Variants in CCDC148 observed in about 807,000 individuals in gnomAD.
CCDC148 encodes the protein coiled-coil domain containing 148, also known as coiled-coil domain-containing protein 148.
A neutral mutation model predicts 85.7 loss-of-function variants in CCDC148; 89 were observed. That is an observed-to-expected ratio of 1.04 (90% confidence interval 0.87 to 1.24). CCDC148 has a LOEUF of 1.24. CCDC148 is among the 50% of genes most tolerant of loss of function. The pLI, the probability that CCDC148 is intolerant of heterozygous loss-of-function variation, is 0.00. For missense variants in CCDC148, 692 were observed against 671.7 expected, an observed-to-expected ratio of 1.03 and a Z score of -0.33; for synonymous variants, 230 against 213.9, an observed-to-expected ratio of 1.08 and a Z score of -0.66.
chr2:158,231,653 A>T (rs1424487594), intron 10 of CCDC148, among the ~76,000 whole-genome samples: 1 of 152,138 alleles, frequency 6.6e-6, no homozygotes, highest in African/African-American at 2.4e-5. Context: ...TGTATTCTTA[A>T]CACAGCATTT....
At chr2:158,442,498 G>A (rs67903213) in intron 1 of CCDC148, among the ~76,000 whole-genome samples, 13,968 of 152,176 alleles carry the variant, frequency 0.092, 696 homozygotes, top group African/African-American at 0.12. Context: ...GTTGCCATAG[G>A]TAGCCATTCT....
chr2:158,249,726 A>G (rs1688710548), intron 10 of CCDC148, among the ~76,000 whole-genome samples: 1 of 152,158 alleles, frequency 6.6e-6, no homozygotes. Flanking sequence ...GCTTTAAAAT[A>G]CATAGTTCCT....
chr2:158,202,071 G>T (rs1685993300), intron 11 of CCDC148, among the ~76,000 whole-genome samples: 2 of 152,112 alleles, frequency 1.3e-5, no homozygotes, highest in African/African-American at 4.8e-5. Context: ...AAACTGGGTA[G>T]AAATTATTTG....
chr2:158,218,763 T>A (rs1687018712), intron 11 of CCDC148, among the ~76,000 whole-genome samples: 1 of 152,224 alleles, frequency 6.6e-6, no homozygotes, highest in East Asian at 1.9e-4. Flanking sequence ...ATGGCCTGTA[T>A]CCACTTAGGT....
intron 2 of CCDC148, among the ~76,000 whole-genome samples, chr2:158,357,453 T>C (rs1683720078): frequency 6.6e-6 from 1 of 152,140 alleles, no homozygotes; most frequent in African/African-American, 2.4e-5. Context: ...ATGTTTATCA[T>C]GAGAAAAATA....
At position 158,229,057 on chromosome 2, in the gene CCDC148, T is replaced by A. The variant is rs552997427; in HGVS notation, c.1252-8344A>T. Among the ~76,000 whole-genome samples the A allele has an allele frequency of 2.0e-5, 3 of 151,984 alleles. No homozygotes were observed. The South Asian group carries it at 6.2e-4, about 32-fold the overall frequency. On this transcript the variant is annotated intron_variant, in intron 10 of 13. Transcript: ENST00000283233. ...TACAGGCAACTTCAGCCTGTCTGAA[T>A]GCCCTTCCAACCTTCCTAATCAACT...
At chr2:158,182,509 A>G (rs1419016377) in intron 11 of CCDC148, among the ~76,000 whole-genome samples, 1 of 152,120 alleles carries the variant, frequency 6.6e-6, no homozygotes. Flanking sequence ...GAGGTGAGGT[A>G]AGGCAGTAAG....
intron 9 of CCDC148, among the ~76,000 whole-genome samples, chr2:158,279,254 C>A (rs1315419426): frequency 6.6e-6 from 1 of 152,116 alleles, no homozygotes; most frequent in Admixed American, 6.5e-5. Context: ...AGTTCCTCAC[C>A]AACAATGGAA....
At chr2:158,234,153 G>A (rs1385270486) in intron 10 of CCDC148, among the ~76,000 whole-genome samples, 1 of 151,812 alleles carries the variant, frequency 6.6e-6, no homozygotes, top group Non-Finnish European at 1.5e-5. Context: ...TACAGCCTGG[G>A]CAACAGAGCG....
chr2:158,333,005 T>G (rs549611327), intron 7 of CCDC148, among the ~76,000 whole-genome samples: 8 of 152,320 alleles, frequency 5.3e-5, no homozygotes, highest in Admixed American at 1.3e-4. Flanking sequence ...TTGATTTTTT[T>G]GAAGGGTTTT....
At chr2:158,381,651 CAT>C in intron 1 of CCDC148, among the ~76,000 whole-genome samples, 1 of 152,084 alleles carries the variant, frequency 6.6e-6, no homozygotes, top group African/African-American at 2.4e-5. Flanking sequence ...TAAGAATGGT[CAT>C]AGCAGCGCTA....
At position 158,172,197 on chromosome 2, in the gene CCDC148, T is replaced by C. The variant is rs371974128; in HGVS notation, c.1692A>G (p.Thr564=). Residue 564 remains threonine (T), a synonymous_variant, in exon 14 of 14, where the codon ACA becomes ACG. Transcript: ENST00000283233. ...LALREAGLHR[T]LYAKEILPKI... is the part of the protein sequence containing the mutation. ...TTGGTAATATCTCTTTAGCATAAAG[T>C]GTTCTATGAAGTCCAGCTTCTCGAA... 2.5e-6 allele frequency: 4 copies of C among 1,609,896 alleles called. No individual in the cohort carries two copies. Among genetic ancestry groups the C allele is most frequent in the Non-Finnish European group, 3.4e-6 (4 of 1,177,668 alleles).
intron 1 of CCDC148, among the ~76,000 whole-genome samples, chr2:158,406,624 T>TTTTTTTTTTGTTTTTTG (rs1686024803): frequency 5.6e-4 from 14 of 24,832 alleles, no homozygotes; most frequent in Non-Finnish European, 1.0e-3. Context: ...TTTTTTTTTT[T>TTTTTTTTTTGTTTTTTG]TTTTTTTTTT....
At chr2:158,353,862 A>G (rs1351803364) in intron 2 of CCDC148, among the ~76,000 whole-genome samples, 1 of 152,196 alleles carries the variant, frequency 6.6e-6, no homozygotes, top group Non-Finnish European at 1.5e-5. Context: ...AAGAACAGAA[A>G]TTATAACAAA....
At chr2:158,246,942 C>A (rs1301676093) in intron 10 of CCDC148, among the ~76,000 whole-genome samples, 3 of 152,134 alleles carry the variant, frequency 2.0e-5, no homozygotes, top group Non-Finnish European at 1.5e-5. Context: ...TAAGAGCCAC[C>A]TGTAGAGATG....
At chr2:158,218,805 T>G (rs966836331) in intron 11 of CCDC148, among the ~76,000 whole-genome samples, 1 of 152,232 alleles carries the variant, frequency 6.6e-6, no homozygotes, top group South Asian at 2.1e-4. Context: ...TGGGTTCTCA[T>G]TGGTGGCTTC....
chr2:158,435,473 G>A (rs1687601021), intron 1 of CCDC148, among the ~76,000 whole-genome samples: 1 of 152,130 alleles, frequency 6.6e-6, no homozygotes, highest in African/African-American at 2.4e-5. Flanking sequence ...AGCTCCTGAA[G>A]GAAGCAATAA....
At chr2:158,355,290 T>C (rs907625832) in intron 2 of CCDC148, among the ~76,000 whole-genome samples, 4 of 152,040 alleles carry the variant, frequency 2.6e-5, no homozygotes, top group Non-Finnish European at 4.4e-5. Context: ...AGTCAAATTG[T>C]CCCTGTTTGC....
Position 158,240,452 on chromosome 2 carries a change from T to TCACACACACA in CCDC148, c.1251+10310_1251+10319dup, listed in dbSNP as rs4028276. ...CTCTCTCTTTCTCTCTCTCTCTCTC[T>TCACACACACA]CACACACACACACACACACACACAC... On this transcript the variant is annotated intron_variant, in intron 10 of 13. Transcript: ENST00000283233. Among the ~76,000 whole-genome samples, 405 of 120,524 alleles carry TCACACACACA rather than the reference T, an allele frequency of 3.4e-3. 4 individuals carry two copies. Among genetic ancestry groups the TCACACACACA allele is most frequent in the African/African-American group, 0.012 (381 of 32,600 alleles). The allele number at this position is 120,524 out of a possible 152,430, so 79.1% of individuals were successfully genotyped here. A position where few individuals can be genotyped will look rare whatever the true frequency, so the allele number is the denominator to read the frequency against.
Sources: gnomAD v4.1 joint callset for allele counts (sites outside exome capture counted in the v4.1 genomes callset) on GRCh38, gnomAD v4.1.1 for gene constraint, MANE v1.5 for transcripts, NCBI Gene and HGNC (gene_info 2026-07-23, HGNC 2026-07-21) for gene names.